EPHA8: variants seen among roughly 807,000 people sequenced by gnomAD.
EPHA8 encodes the protein ephrin type-A receptor 8.
In EPHA8, 58 loss-of-function variants were observed where a neutral mutation model predicts 103.6. That is an observed-to-expected ratio of 0.56 (90% confidence interval 0.45 to 0.70). The LOEUF (loss-of-function observed/expected upper bound fraction) is 0.70, where lower values mean the gene tolerates loss of function less well. EPHA8 is among the 30% of genes least tolerant of loss of function. EPHA8 has a pLI of 0.00. For synonymous variants in EPHA8, 559 were observed against 572.5 expected, an observed-to-expected ratio of 0.98 and a Z score of 0.34; for missense variants, 1,304 against 1,395.2, an observed-to-expected ratio of 0.93 and a Z score of 1.04.
intron 15 of EPHA8, 101 bp downstream of exon 15, chr1:22,601,189 C>T: frequency 2.0e-6 from 3 of 1,527,320 alleles, no homozygotes; most frequent in Non-Finnish European, 8.8e-7. Flanking sequence ...GGACCAGGCC[C>T]AGCCTGGGCC....
chr1:22,574,071 C>T (rs375154026), intron 2 of EPHA8, among the ~76,000 whole-genome samples: 13 of 152,334 alleles, frequency 8.5e-5, no homozygotes, highest in South Asian at 8.3e-4. Context: ...CTCCGTCCCC[C>T]GGGTTCACGC....
chr1:22,570,703 C>T (rs1286467821), intron 2 of EPHA8, among the ~76,000 whole-genome samples: 2 of 152,250 alleles, frequency 1.3e-5, no homozygotes, highest in Admixed American at 1.3e-4. Context: ...ATGCACCGGG[C>T]TCCCGGGAGC....
At chr1:22,599,435 G>T (rs1406495313) in intron 13 of EPHA8, among the ~76,000 whole-genome samples, 1 of 152,076 alleles carries the variant, frequency 6.6e-6, no homozygotes, top group Non-Finnish European at 1.5e-5. Flanking sequence ...TGCCTTAGGG[G>T]CAGCCTTAAA....
In EPHA8 at chr1:22,593,322, C is replaced by G; in HGVS notation, c.1316-4C>G. 1 of 1,561,004 alleles carries G rather than the reference C, an allele frequency of 6.4e-7. No homozygotes were observed. Among genetic ancestry groups the G allele is most frequent in the Non-Finnish European group, 8.7e-7 (1 of 1,151,652 alleles). On this transcript the variant is annotated splice_region_variant and splice_polypyrimidine_tract_variant and intron_variant, in intron 5 of 16. Coordinates refer to ENST00000166244, the MANE Select transcript of EPHA8 (RefSeq NM_020526.5). Reference sequence around the variant, plus strand: ...CGCCCATCTGACGGGATTGGCCGCCCCAGCCCCGTCCCAGGTGGTGGTGAT... The same window carrying G: ...CGCCCATCTGACGGGATTGGCCGCCGCAGCCCCGTCCCAGGTGGTGGTGAT...
chr1:22,595,994 C>A (rs1641506248), intron 8 of EPHA8, 112 bp from the exon 9 acceptor site: 6 of 926,720 alleles, frequency 6.5e-6, no homozygotes, highest in Admixed American at 4.1e-5. Context: ...CAGGAGCTGA[C>A]CTGTCAGGGG....
Position 22,586,515 on chromosome 1 carries a change from G to A in EPHA8, c.859G>A (p.Asp287Asn), listed in dbSNP as rs1405311325. ...GGGCTTCTACAAGTCAGCCCCTGGG[G>A]ACCAGCTGTGTGCCCGCTGCCCTCC... ...ELGFYKSAPG[D>N]QLCARCPPHS... The change falls in exon 4 of 17, where the codon GAC (aspartate) becomes AAC (asparagine). Residue 287 changes from aspartate (D) to asparagine (N), a missense_variant. Asp to Asn is a conservative substitution (Grantham distance 23, BLOSUM62 1). Coordinates refer to ENST00000166244, the MANE Select transcript of EPHA8 (RefSeq NM_020526.5). The A allele has an allele frequency of 1.9e-6, 3 of 1,613,656 alleles. No homozygotes were observed. Among genetic ancestry groups the A allele is most frequent in the Non-Finnish European group, 2.5e-6 (3 of 1,179,876 alleles).
At chr1:22,584,843 C>T (rs1000035987) in intron 3 of EPHA8, among the ~76,000 whole-genome samples, 1 of 152,178 alleles carries the variant, frequency 6.6e-6, no homozygotes, top group Admixed American at 6.5e-5. Flanking sequence ...CCAGGGCTAG[C>T]ACTGGACCAG....
In EPHA8 at chr1:22,599,812, AAG is replaced by A. The variant is rs1445437480; in HGVS notation, c.2388+767_2388+768del. Reference sequence around the variant, plus strand: ...AAAAGAAAGGAGGGAAGGAAGGAGAAAGAAGAAAGGAAGGGAGGGGAGGGAAG... The same window carrying A: ...AAAAGAAAGGAGGGAAGGAAGGAGAAAAGAAAGGAAGGGAGGGGAGGGAAG... On this transcript the variant is annotated intron_variant, in intron 13 of 16. Coordinates refer to ENST00000166244, the MANE Select transcript of EPHA8 (RefSeq NM_020526.5). 4.0e-3 allele frequency among the ~76,000 whole-genome samples: 26 copies of A among 6,520 alleles called. 1 individual carries two copies. Among genetic ancestry groups the A allele is most frequent in the Non-Finnish European group, 7.6e-3 (23 of 3,012 alleles). 4.3% of individuals were successfully genotyped at this position (6,520 alleles called of 152,430 possible).
intron 2 of EPHA8, among the ~76,000 whole-genome samples, chr1:22,574,917 G>C (rs1052933190): frequency 2.0e-5 from 3 of 152,120 alleles, no homozygotes; most frequent in African/African-American, 4.8e-5. Context: ...TAATGCACAG[G>C]GTTCTAATTT....
chr1:22,579,354 CGT>C (rs76802750), intron 3 of EPHA8, among the ~76,000 whole-genome samples: 9 of 145,648 alleles, frequency 6.2e-5, no homozygotes, highest in Non-Finnish European at 7.4e-5. Flanking sequence ...TGTATGTATG[CGT>C]GTGTGTATGT....
chr1:22,573,999 G>A (rs918110483), intron 2 of EPHA8, among the ~76,000 whole-genome samples: 4 of 152,160 alleles, frequency 2.6e-5, no homozygotes, highest in Non-Finnish European at 5.9e-5. Flanking sequence ...CTTTTTTTGA[G>A]ACGGAGTCTC....
At position 22,597,428 on chromosome 1, in the gene EPHA8, C is replaced by T. The variant is rs781568823; in HGVS notation, c.1882C>T (p.Arg628Trp). The T allele has an allele frequency of 2.5e-6, 4 of 1,613,506 alleles. No homozygotes were observed. Among genetic ancestry groups the T allele is most frequent in the South Asian group, 1.1e-5 (1 of 91,066 alleles). ...AGGCCGGGCGGGCCGCAGTTTCACTCGGGAGATCGAGGCCTCTAGGATCCA... is the reference window on the plus strand; with the variant it reads ...AGGCCGGGCGGGCCGCAGTTTCACTTGGGAGATCGAGGCCTCTAGGATCCA... ...EPGRAGRSFT[R>W]EIEASRIHIE... Residue 628 changes from arginine (R) to tryptophan (W), a missense_variant, in exon 10 of 17, where the codon CGG becomes TGG. Coordinates refer to ENST00000166244, the MANE Select transcript of EPHA8 (RefSeq NM_020526.5). This position sits in a 1 kb window ranked among gnomAD's most constrained non-coding sequence, Gnocchi z 4.6.
At chr1:22,582,956 T>G (rs1641086377) in intron 3 of EPHA8, among the ~76,000 whole-genome samples, 1 of 152,258 alleles carries the variant, frequency 6.6e-6, no homozygotes, top group Non-Finnish European at 1.5e-5. Context: ...TCTTTTGCCT[T>G]CCTGACTGTG....
chr1:22,588,957 G>T lies in EPHA8; in HGVS notation c.1066G>T (p.Gly356Cys). The stretch of plus-strand genomic sequence containing the variant: ...GTGGGCCCCTCCCCTGGACCCAGGT[G>T]GCCGCAGTGACATCACCTACAATGC... ...LEWAPPLDPG[G>C]RSDITYNAVC... Residue 356 changes from glycine (G) to cysteine (C), a missense_variant, in exon 5 of 17, where the codon GGC becomes TGC. Physicochemically the swap from Gly to Cys is radical, Grantham distance 159. Coordinates refer to ENST00000166244, the MANE Select transcript of EPHA8 (RefSeq NM_020526.5). 6.2e-7 allele frequency: 1 copy of T among 1,613,188 alleles called. No homozygotes were observed. Among genetic ancestry groups the T allele is most frequent in the South Asian group, 1.1e-5 (1 of 91,048 alleles).
chr1:22,570,669 GAGCTGAGCCTGTTATC>G (rs1289359287), intron 2 of EPHA8, among the ~76,000 whole-genome samples: 1 of 152,246 alleles, frequency 6.6e-6, no homozygotes, highest in African/African-American at 2.4e-5. Flanking sequence ...AGGCAGCGGT[GAGCTGAGCCTGTTATC>G]AGCCCTCATG....
intron 3 of EPHA8, 33 bp from the exon 4 acceptor site, chr1:22,586,447 C>T: frequency 6.2e-7 from 1 of 1,606,340 alleles, no homozygotes; most frequent in Non-Finnish European, 8.5e-7. Flanking sequence ...GGTGGCCCTG[C>T]TGGCTCATGT....
At chr1:22,573,551 C>T (rs1640601705) in intron 2 of EPHA8, among the ~76,000 whole-genome samples, 1 of 152,124 alleles carries the variant, frequency 6.6e-6, no homozygotes, top group Non-Finnish European at 1.5e-5. Context: ...TCATGAAGCC[C>T]CCCTCCCCCT....
Position 22,589,885 on chromosome 1 carries a change from T to C in EPHA8, c.1315+679T>C, listed in dbSNP as rs1641329274. Among the ~76,000 whole-genome samples, 1 of 151,472 alleles carries C rather than the reference T, an allele frequency of 6.6e-6. No homozygotes were observed. The highest frequency in any genetic ancestry group is 1.5e-5 in the Non-Finnish European group (1 of 67,866). ...GACCCTCAGGCCCCCACCCACCATC[T>C]CCTCCCAAAACCACACAGCCCTGGC... On this transcript the variant is annotated intron_variant, in intron 5 of 16. Transcript: ENST00000166244. This position sits in a 1 kb window ranked among gnomAD's most constrained non-coding sequence, Gnocchi z 4.3.
At chr1:22,591,128 G>A (rs919580903) in intron 5 of EPHA8, among the ~76,000 whole-genome samples, 2 of 152,004 alleles carry the variant, frequency 1.3e-5, no homozygotes, top group East Asian at 1.9e-4. Context: ...GGTGGCTCAC[G>A]CCTGTAATCC....
Sources: allele counts gnomAD v4.1 joint callset (sites outside exome capture counted in the v4.1 genomes callset), GRCh38; gene constraint gnomAD v4.1.1; non-coding constraint Gnocchi (gnomAD v3.1); transcripts MANE v1.5; gene names NCBI Gene and HGNC (gene_info 2026-07-23, HGNC 2026-07-21).